The following HIVEP3 variants were observed in gnomAD, a reference collection of about 807,000 sequenced individuals.
The protein encoded by HIVEP3 is HIVEP zinc finger 3.
In HIVEP3, 49 loss-of-function variants were observed where a neutral mutation model predicts 152.8. The ratio of observed to expected loss-of-function variants is 0.32; its 90% confidence interval spans 0.26 to 0.41. The LOEUF (loss-of-function observed/expected upper bound fraction) is 0.41, where lower values mean the gene tolerates loss of function less well. Ranked by LOEUF, HIVEP3 falls within the 10% of genes least tolerant of loss-of-function variation. The pLI, the probability that HIVEP3 is intolerant of heterozygous loss-of-function variation, is 1.00. For synonymous variants in HIVEP3, 1,269 were observed against 1,289.0 expected (o/e 0.98, Z 0.33); for missense variants, 2,790 against 3,103.3 (o/e 0.90, Z 2.40).
chr1:41,561,053 G>A (rs184948073), intron 5 of HIVEP3, among the ~76,000 whole-genome samples: 45 of 152,268 alleles, frequency 3.0e-4, no homozygotes, highest in African/African-American at 9.6e-4. Flanking sequence ...AGGCCTTTTC[G>A]GTAGACTCTC....
intron 1 of HIVEP3, among the ~76,000 whole-genome samples, chr1:41,846,172 G>A (rs1181199467): frequency 6.6e-6 from 1 of 152,146 alleles, no homozygotes; most frequent in African/African-American, 2.4e-5. Flanking sequence ...TCAGGGTGAC[G>A]GTCACTAGAA....
intron 1 of HIVEP3, among the ~76,000 whole-genome samples, chr1:41,911,843 C>T (rs1008058416): frequency 1.3e-5 from 2 of 152,098 alleles, no homozygotes; most frequent in Non-Finnish European, 2.9e-5. Flanking sequence ...CCCAAGACCC[C>T]CTGCCATGCC....
Position 41,530,034 on chromosome 1 carries a change from G to A in HIVEP3, c.5208-5124C>T, listed in dbSNP as rs80026976. Among the ~76,000 whole-genome samples, 137 of 147,440 alleles carry A rather than the reference G, an allele frequency of 9.3e-4. 1 individual carries two copies. The East Asian group carries it at 0.026, about 28-fold the overall frequency. On this transcript the variant is annotated intron_variant, in intron 5 of 8. Transcript: ENST00000372583. ...ATTTGCACACTCAGACCACACTCAC[G>A]CTCATACACTCTCCTGGCACACTCA...
chr1:41,565,527 G>GAT (rs1449173255), intron 5 of HIVEP3, among the ~76,000 whole-genome samples: 2 of 137,276 alleles, frequency 1.5e-5, no homozygotes, highest in Admixed American at 7.5e-5. Context: ...AAAACTGAAA[G>GAT]ACACACACAC....
chr1:41,745,624 T>C (rs1290004496), intron 1 of HIVEP3, among the ~76,000 whole-genome samples: 2 of 152,224 alleles, frequency 1.3e-5, no homozygotes, highest in Non-Finnish European at 2.9e-5. Flanking sequence ...ACATACCACG[T>C]GTCTTTCCTC....
chr1:41,619,194 T>G (rs895612610), intron 3 of HIVEP3, among the ~76,000 whole-genome samples: 2 of 152,138 alleles, frequency 1.3e-5, no homozygotes, highest in African/African-American at 4.8e-5. Flanking sequence ...CAGGCTGATC[T>G]TGCCTCCGCC....
At chr1:41,855,368 A>G (rs1287227997) in intron 1 of HIVEP3, among the ~76,000 whole-genome samples, 2 of 152,214 alleles carry the variant, frequency 1.3e-5, no homozygotes, top group African/African-American at 4.8e-5. Context: ...AATTAAACTA[A>G]AGAGCTTCTG....
chr1:41,634,382 C>T (rs916316290), intron 2 of HIVEP3, among the ~76,000 whole-genome samples: 1 of 151,946 alleles, frequency 6.6e-6, no homozygotes, highest in African/African-American at 2.4e-5. Flanking sequence ...AGATGCAAAC[C>T]TTTTAAACCA....
At chr1:41,862,966 A>G (rs1054100220) in intron 1 of HIVEP3, among the ~76,000 whole-genome samples, 3 of 152,214 alleles carry the variant, frequency 2.0e-5, no homozygotes, top group Admixed American at 2.0e-4. Context: ...AGGGAAGGAA[A>G]CAATGAATGC....
At chr1:41,792,051 C>T (rs2124299788) in intron 1 of HIVEP3, among the ~76,000 whole-genome samples, 1 of 152,304 alleles carries the variant, frequency 6.6e-6, no homozygotes, top group Non-Finnish European at 1.5e-5. Context: ...ACCATTCCTC[C>T]CACTCCGTAT....
chr1:41,775,028 C>A (rs1648608298), intron 1 of HIVEP3, among the ~76,000 whole-genome samples: 1 of 151,878 alleles, frequency 6.6e-6, no homozygotes, highest in Non-Finnish European at 1.5e-5. Flanking sequence ...GTCTTGAAAT[C>A]CTGGGCTCAA....
chr1:41,942,083 C>T (rs1460995759), intron 1 of HIVEP3, among the ~76,000 whole-genome samples: 4 of 152,210 alleles, frequency 2.6e-5, no homozygotes. Flanking sequence ...GTTTATCCAA[C>T]TGTGGCTGTA....
intron 1 of HIVEP3, among the ~76,000 whole-genome samples, chr1:41,857,710 G>A (rs931942612): frequency 1.3e-5 from 2 of 152,176 alleles, no homozygotes; most frequent in Admixed American, 1.3e-4. Flanking sequence ...GTAGATGGGA[G>A]TCCTGAGAAA....
In HIVEP3 at chr1:41,506,598, TTTTTTG is replaced by T. The variant is rs1035082605; in HGVS notation, c.*3847_*3852del. The T allele has an allele frequency of 1.8e-3, 122 of 66,022 alleles. 1 individual carries two copies. The highest frequency in any genetic ancestry group is 0.01 in the East Asian group (30 of 2,932). The allele number at this position is 66,022 out of a possible 1,614,324, so 4.1% of individuals were successfully genotyped here. A position where few individuals can be genotyped will look rare whatever the true frequency, so the allele number is the denominator to read the frequency against. ...AGACCTGCGTGGATTTTTGTTTTTT[TTTTTTG>T]TTTGTTTCTGTTTTGTTTTTTCTTT... On this transcript the variant is annotated 3_prime_UTR_variant, in exon 9 of 9. Coordinates refer to ENST00000372583, the MANE Select transcript of HIVEP3 (RefSeq NM_024503.5).
intron 3 of HIVEP3, among the ~76,000 whole-genome samples, chr1:41,607,006 T>G (rs1372190410): frequency 6.6e-6 from 1 of 152,144 alleles, no homozygotes; most frequent in Non-Finnish European, 1.5e-5. Context: ...TATTTTTAAA[T>G]TGAAATGGGG....
chr1:41,562,101 GC>G (rs1460950072), intron 5 of HIVEP3, among the ~76,000 whole-genome samples: 2 of 152,182 alleles, frequency 1.3e-5, no homozygotes, highest in Non-Finnish European at 2.9e-5. Flanking sequence ...GGATAAACAA[GC>G]CCATGTTATC....
At chr1:41,641,284 G>A (rs1645367823) in intron 2 of HIVEP3, among the ~76,000 whole-genome samples, 1 of 152,246 alleles carries the variant, frequency 6.6e-6, no homozygotes, top group South Asian at 2.1e-4. Context: ...GGAAGACTGT[G>A]ATAACAGGTG....
At chr1:42,014,049 A>G (rs1280836947) in intron 1 of HIVEP3, among the ~76,000 whole-genome samples, 1 of 152,216 alleles carries the variant, frequency 6.6e-6, no homozygotes, top group African/African-American at 2.4e-5. Flanking sequence ...ATGTTGGAGA[A>G]GCACGGCTTT....
chr1:41,983,980 G>T (rs78753344), intron 1 of HIVEP3, among the ~76,000 whole-genome samples: 1 of 147,680 alleles, frequency 6.8e-6, no homozygotes, highest in African/African-American at 2.7e-5. Context: ...TATTTTTTTT[G>T]AGAGAGAGAG....
Sources: gnomAD v4.1 joint callset for allele counts (sites outside exome capture counted in the v4.1 genomes callset) on GRCh38, gnomAD v4.1.1 for gene constraint, MANE v1.5 for transcripts, NCBI Gene and HGNC (gene_info 2026-07-23, HGNC 2026-07-21) for gene names.